The following LRMDA variants were observed in gnomAD, a reference collection of about 807,000 sequenced individuals.
The protein encoded by LRMDA is leucine-rich melanocyte differentiation-associated protein.
Under a neutral mutation model 29.8 loss-of-function variants are expected in LRMDA, and 18 were observed. The ratio of observed to expected loss-of-function variants is 0.60; its 90% CI spans 0.42 to 0.90. LRMDA has a LOEUF of 0.90. Among genes scored for constraint, LRMDA ranks in the 40% least tolerant of loss-of-function variants. The pLI is 0.00. For synonymous variants in LRMDA, 125 were observed against 109.4 expected (o/e 1.14, Z -0.89); for missense variants, 273 against 273.9 (o/e 1.00, Z 0.02).
At chr10:75,524,702 T>A (rs1413782915) in intron 2 of LRMDA, among the ~76,000 whole-genome samples, 1 of 152,222 alleles carries the variant, frequency 6.6e-6, no homozygotes, top group Admixed American at 6.5e-5. Flanking sequence ...TCTAAGGGAC[T>A]TAGAAAGAAA....
In LRMDA at chr10:75,674,854, G is replaced by A. The variant is rs924716121; in HGVS notation, c.131+236360G>A. 5.9e-5 allele frequency among the ~76,000 whole-genome samples: 9 copies of A among 152,174 alleles called. No homozygotes were observed. In the South Asian group the frequency reaches 1.5e-3, roughly 25 times the overall value. ...TCAGCTGGAGGGGTTTTGGGGGACA[G>A]CAGAAGGACAGTAGGAGCTGAGAGC... On this transcript the variant is annotated intron_variant, in intron 2 of 6. Coordinates refer to ENST00000611255, the MANE Select transcript of LRMDA (RefSeq NM_001305581.2).
At chr10:75,784,192 G>C (rs1843433002) in intron 2 of LRMDA, among the ~76,000 whole-genome samples, 2 of 152,192 alleles carry the variant, frequency 1.3e-5, no homozygotes, top group Admixed American at 1.3e-4. Flanking sequence ...TCAGATCCCA[G>C]ATCTTCCGCT....
intron 2 of LRMDA, among the ~76,000 whole-genome samples, chr10:75,500,229 A>G (rs554929043): frequency 6.6e-6 from 1 of 152,262 alleles, no homozygotes; most frequent in East Asian, 1.9e-4. Flanking sequence ...CTGCTAATAC[A>G]CATGCACACA....
At chr10:76,027,938 C>T (rs1848087871) in intron 2 of LRMDA, among the ~76,000 whole-genome samples, 1 of 152,008 alleles carries the variant, frequency 6.6e-6, no homozygotes, top group Non-Finnish European at 1.5e-5. Context: ...TTCTTCAATC[C>T]TTGGGCATTT....
chr10:76,319,982 A>G (rs1840750353), intron 5 of LRMDA, among the ~76,000 whole-genome samples: 1 of 152,156 alleles, frequency 6.6e-6, no homozygotes, highest in Admixed American at 6.5e-5. Context: ...TGTGGTCTGT[A>G]TCAGGTTCTT....
chr10:75,793,876 T>C (rs137897460), intron 2 of LRMDA, among the ~76,000 whole-genome samples: 13 of 152,346 alleles, frequency 8.5e-5, no homozygotes, highest in Non-Finnish European at 1.6e-4. Context: ...AGCACACTTT[T>C]TCTATAAAGG....
chr10:76,510,567 G>A (rs908241308), intron 6 of LRMDA, among the ~76,000 whole-genome samples: 3 of 152,176 alleles, frequency 2.0e-5, no homozygotes, highest in Non-Finnish European at 2.9e-5. Context: ...ACCTCGGACT[G>A]CCACAAAATG....
chr10:76,277,236 T>G (rs1424427952), intron 5 of LRMDA, among the ~76,000 whole-genome samples: 4 of 152,114 alleles, frequency 2.6e-5, no homozygotes, highest in African/African-American at 9.7e-5. Context: ...GGGCCTGCAT[T>G]TGGGGAAAAG....
At chr10:75,436,691 G>A (rs1311364741) in intron 1 of LRMDA, among the ~76,000 whole-genome samples, 2 of 151,906 alleles carry the variant, frequency 1.3e-5, no homozygotes, top group African/African-American at 2.4e-5. Context: ...GGATGGTGTC[G>A]ATCCCCTGAC....
intron 2 of LRMDA, among the ~76,000 whole-genome samples, chr10:75,816,853 A>G (rs934675745): frequency 8.5e-5 from 13 of 152,150 alleles, no homozygotes; most frequent in African/African-American, 1.4e-4. Flanking sequence ...ACTTCTCTCA[A>G]TTTTCTCAGT....
intron 5 of LRMDA, among the ~76,000 whole-genome samples, chr10:76,272,105 A>G (rs1463693209): frequency 6.6e-6 from 1 of 152,236 alleles, no homozygotes. Flanking sequence ...GGAGGATAGC[A>G]TATGTTATTC....
intron 6 of LRMDA, among the ~76,000 whole-genome samples, chr10:76,537,660 GCTT>G (rs1055212671): frequency 3.9e-5 from 6 of 152,048 alleles, no homozygotes; most frequent in African/African-American, 1.4e-4. Flanking sequence ...AGTCTTAAAA[GCTT>G]CTTTTTTTTA....
chr10:76,058,093 T>C (rs994646808), intron 4 of LRMDA, among the ~76,000 whole-genome samples: 1 of 152,196 alleles, frequency 6.6e-6, no homozygotes, highest in Non-Finnish European at 1.5e-5. Flanking sequence ...ATAATCTTCA[T>C]AGGTTAGCAA....
intron 6 of LRMDA, among the ~76,000 whole-genome samples, chr10:76,518,605 G>A (rs1313968237): frequency 6.6e-6 from 1 of 152,010 alleles, no homozygotes; most frequent in African/African-American, 2.4e-5. Context: ...TTCATATTAT[G>A]TCAATTATAA....
At chr10:75,895,757 G>A (rs191499084) in intron 2 of LRMDA, among the ~76,000 whole-genome samples, 3 of 152,216 alleles carry the variant, frequency 2.0e-5, no homozygotes, top group Admixed American at 2.0e-4. Flanking sequence ...AAGGCAGAAG[G>A]CCTTTCTGAA....
intron 2 of LRMDA, among the ~76,000 whole-genome samples, chr10:75,985,507 C>T (rs539235043): frequency 1.2e-4 from 19 of 152,234 alleles, no homozygotes; most frequent in Non-Finnish European, 2.4e-4. Flanking sequence ...TGGCTGTGAA[C>T]TCCACAAGGC....
At chr10:75,816,675 T>C (rs1373052711) in intron 2 of LRMDA, among the ~76,000 whole-genome samples, 1 of 152,210 alleles carries the variant, frequency 6.6e-6, no homozygotes, top group Non-Finnish European at 1.5e-5. Context: ...GCCCATTCAA[T>C]GTTGTTTAAG....
intron 2 of LRMDA, among the ~76,000 whole-genome samples, chr10:75,472,132 C>A (rs1283881944): frequency 6.6e-6 from 1 of 152,180 alleles, no homozygotes; most frequent in Non-Finnish European, 1.5e-5. Context: ...CTTCTCTACC[C>A]ACTTCTGTCC....
intron 2 of LRMDA, among the ~76,000 whole-genome samples, chr10:75,719,174 C>A (rs942249612): frequency 6.6e-6 from 1 of 152,226 alleles, no homozygotes; most frequent in Admixed American, 6.5e-5. Context: ...TCAATTAACA[C>A]CCAGCCCTGT....
Sources: gnomAD v4.1 joint callset for allele counts (sites outside exome capture counted in the v4.1 genomes callset) on GRCh38, gnomAD v4.1.1 for gene constraint, MANE v1.5 for transcripts, NCBI Gene and HGNC (gene_info 2026-07-23, HGNC 2026-07-21) for gene names.